The following CELSR1 variants were observed in gnomAD, a reference collection of about 807,000 sequenced individuals.
The protein encoded by CELSR1 is cadherin EGF LAG seven-pass G-type receptor 1, also known as adhesion G protein-coupled receptor C1.
A neutral mutation model predicts 249.1 loss-of-function variants in CELSR1; 110 were observed. The observed-to-expected ratio is 0.44, with a 90% CI of 0.38 to 0.52. The LOEUF (loss-of-function observed/expected upper bound fraction) is 0.52. Among genes scored for constraint, CELSR1 ranks in the 20% least tolerant of loss-of-function variants. CELSR1 has a pLI of 0.00. For synonymous variants in CELSR1, 2,113 were observed against 1,900.0 expected (o/e 1.11, Z -2.92); for missense variants, 4,109 against 4,296.4 (o/e 0.96, Z 1.22).
At chr22:46,366,189 CA>C (rs1160889907) in intron 30 of CELSR1, among the ~76,000 whole-genome samples, 196 bp downstream of exon 30, 4 of 2,662 alleles carry the variant, frequency 1.5e-3, no homozygotes, top group African/African-American at 5.4e-3. Flanking sequence ...GGGGAAGGTG[CA>C]GGGGAAGGGA....
intron 29 of CELSR1, 121 bp from the exon 30 acceptor site, chr22:46,366,601 G>T: frequency 1.3e-6 from 1 of 794,622 alleles, no homozygotes; most frequent in Non-Finnish European, 2.1e-6. Flanking sequence ...CCCCTGCCTG[G>T]CACACAGGAG....
intron 2 of CELSR1, among the ~76,000 whole-genome samples, chr22:46,458,131 G>A (rs956266753): frequency 6.6e-6 from 1 of 152,150 alleles, no homozygotes; most frequent in Non-Finnish European, 1.5e-5. Flanking sequence ...GACAGGGAGG[G>A]AACATTCAGG....
intron 24 of CELSR1, 132 bp downstream of exon 24, chr22:46,376,929 G>A: frequency 2.3e-6 from 2 of 883,606 alleles, no homozygotes; most frequent in Middle Eastern, 3.0e-4. Flanking sequence ...GTTCCTGAAA[G>A]GGCATCTGTG....
At chr22:46,465,554 G>C (rs757966920) in intron 1 of CELSR1, among the ~76,000 whole-genome samples, 17 of 152,164 alleles carry the variant, frequency 1.1e-4, no homozygotes, top group Non-Finnish European at 2.4e-4. Context: ...TTGTCACCCC[G>C]AGCCCGGCAA....
intron 9 of CELSR1, among the ~76,000 whole-genome samples, chr22:46,405,476 A>C (rs1373198135): frequency 3.3e-5 from 5 of 151,062 alleles, no homozygotes; most frequent in African/African-American, 1.2e-4. Context: ...AAAAAAAAAA[A>C]AAAAATTCCT....
chr22:46,478,344 G>A (rs1408254583), intron 1 of CELSR1, among the ~76,000 whole-genome samples: 1 of 152,194 alleles, frequency 6.6e-6, no homozygotes, highest in Non-Finnish European at 1.5e-5. Flanking sequence ...CTGGAAAAAT[G>A]GGCCAAATTC....
At position 46,518,986 on chromosome 22, in the gene CELSR1, T is replaced by C. The variant is rs574502386; in HGVS notation, c.3544+14641A>G. Among the ~76,000 whole-genome samples, 50 of 152,196 alleles carry C rather than the reference T, an allele frequency of 3.3e-4. No homozygotes were observed. The highest frequency in any genetic ancestry group is 1.1e-3 in the African/African-American group (46 of 41,528). On this transcript the variant is annotated intron_variant, in intron 1 of 34. Transcript: ENST00000674500. The surrounding 1 kb of genome is among the most constrained non-coding windows in gnomAD (Gnocchi z 5.2). The stretch of plus-strand genomic sequence containing the variant: ...AGGCAAAGGTTGCAATGAGCCAAGA[T>C]TGAGCCACTGTACTCCAGCCTGGGT...
chr22:46,417,933 C>A lies in CELSR1; in HGVS notation c.4612-6174G>T, dbSNP rs936771084. ...TGTCCACAGCATCCAATGGACATCA[C>A]CTCCTTAAAGCCAAGGGTCCATATC... On this transcript the variant is annotated intron_variant, in intron 5 of 34. Coordinates refer to ENST00000674500, the MANE Select transcript of CELSR1 (RefSeq NM_001378328.1). This position sits in a 1 kb window ranked among gnomAD's most constrained non-coding sequence, Gnocchi z 4.1. Among the ~76,000 whole-genome samples, 1 of 152,216 alleles carries A rather than the reference C, an allele frequency of 6.6e-6. No homozygotes were observed. The highest frequency in any genetic ancestry group is 2.4e-5 in the African/African-American group (1 of 41,446).
At position 46,385,700 on chromosome 22, in the gene CELSR1, C is replaced by T. The variant is rs751057048; in HGVS notation, c.6739+702G>A. ...TTTTTTTTTTTTTTTTTTTTTGAGA[C>T]GGAGTCTGGCTCTCTCGCCCAGGCT... On this transcript the variant is annotated intron_variant, in intron 19 of 34. Transcript: ENST00000674500. 2.4e-3 allele frequency among the ~76,000 whole-genome samples: 328 copies of T among 135,414 alleles called. 2 individuals are homozygous for T. Among genetic ancestry groups the T allele is most frequent in the South Asian group, 4.1e-3 (18 of 4,364 alleles). The allele number at this position is 135,414 out of a possible 152,430, so 88.8% of individuals were successfully genotyped here. A position where few individuals can be genotyped will look rare whatever the true frequency, so the allele number is the denominator to read the frequency against.
intron 1 of CELSR1, among the ~76,000 whole-genome samples, chr22:46,492,393 G>A (rs2080375651): frequency 1.3e-5 from 2 of 152,136 alleles, no homozygotes; most frequent in Admixed American, 6.5e-5. Flanking sequence ...AATTCCCGGC[G>A]CAAAGTCTTT....
rs991549157 is a variant in CELSR1, at chr22:46,364,265, A to T, written c.8780-14T>A. ...TTTTCAAGATGCCTGGGAGGAGGAG[A>T]CACGGCAAGGTCAAGTCCGGGTGAT... On this transcript the variant is annotated splice_polypyrimidine_tract_variant and intron_variant, in intron 33 of 34. Coordinates refer to ENST00000674500, the MANE Select transcript of CELSR1 (RefSeq NM_001378328.1). The T allele has an allele frequency of 6.2e-7, 1 of 1,605,328 alleles. No homozygotes were observed. The highest frequency in any genetic ancestry group is 8.5e-7 in the Non-Finnish European group (1 of 1,179,224).
chr22:46,380,611 T>C lies in CELSR1; in HGVS notation c.7256+177A>G, dbSNP rs1039310590. On this transcript the variant is annotated intron_variant, in intron 22 of 34. Transcript: ENST00000674500. This position sits in a 1 kb window ranked among gnomAD's most constrained non-coding sequence, Gnocchi z 5.1. ...TGTGTGTGGACATCTAGGGGAGGAC[T>C]CTGATATTCCCACAGAAGCAGAGCA... Among the ~76,000 whole-genome samples the C allele has an allele frequency of 1.4e-4, 22 of 152,150 alleles. No individual in the cohort carries two copies. The highest frequency in any genetic ancestry group is 5.1e-4 in the African/African-American group (21 of 41,436).
At position 46,464,605 on chromosome 22, in the gene CELSR1, C is replaced by T. The variant is rs149543724; in HGVS notation, c.3545-260G>A. 3.9e-5 allele frequency among the ~76,000 whole-genome samples: 6 copies of T among 152,148 alleles called. No homozygotes were observed. Among genetic ancestry groups the T allele is most frequent in the Admixed American group, 3.9e-4 (6 of 15,288 alleles). On this transcript the variant is annotated intron_variant, in intron 1 of 34. Transcript: ENST00000674500. The surrounding 1 kb of genome is among the most constrained non-coding windows in gnomAD (Gnocchi z 8.5). The stretch of plus-strand genomic sequence containing the variant: ...GCCCTGGCTTCCTAAAGCACAGCTC[C>T]GATCACATCTTTCTCTGGCTCCGAA...
In CELSR1 at chr22:46,447,096, T is replaced by C. The variant is rs2079829587; in HGVS notation, c.4184-7685A>G. Reference sequence around the variant, plus strand: ...TACAGCGCTGTTTAAACAAGGTAACTGGAGGGGCTGCTCCCCACCAACCCT... The same window carrying C: ...TACAGCGCTGTTTAAACAAGGTAACCGGAGGGGCTGCTCCCCACCAACCCT... On this transcript the variant is annotated intron_variant, in intron 2 of 34. Coordinates refer to ENST00000674500, the MANE Select transcript of CELSR1 (RefSeq NM_001378328.1). The surrounding 1 kb of genome is among the most constrained non-coding windows in gnomAD (Gnocchi z 4.7). Among the ~76,000 whole-genome samples the C allele has an allele frequency of 6.6e-6, 1 of 152,076 alleles. No individual in the cohort carries two copies. The highest frequency in any genetic ancestry group is 2.4e-5 in the African/African-American group (1 of 41,430).
Position 46,468,225 on chromosome 22 carries a change from A to C in CELSR1, c.3545-3880T>G, listed in dbSNP as rs2080118286. On this transcript the variant is annotated intron_variant, in intron 1 of 34. Coordinates refer to ENST00000674500, the MANE Select transcript of CELSR1 (RefSeq NM_001378328.1). This position sits in a 1 kb window ranked among gnomAD's most constrained non-coding sequence, Gnocchi z 4.5. Reference sequence around the variant, plus strand: ...ACCTGGTGAAACCATGTCTCTACTAAAAATACAAAAATTAGCTGGGCGTGG... The same window carrying C: ...ACCTGGTGAAACCATGTCTCTACTACAAATACAAAAATTAGCTGGGCGTGG... 6.6e-6 allele frequency among the ~76,000 whole-genome samples: 1 copy of C among 151,980 alleles called. No individual in the cohort carries two copies. The highest frequency in any genetic ancestry group is 2.1e-4 in the South Asian group (1 of 4,822).
chr22:46,508,504 G>A (rs1055763500), intron 1 of CELSR1, among the ~76,000 whole-genome samples: 3 of 141,824 alleles, frequency 2.1e-5, no homozygotes, highest in Non-Finnish European at 4.5e-5. Flanking sequence ...CTTTGTTGCT[G>A]AGCATTTCTC....
rs116231178 is a variant in CELSR1 at position 46,481,394 on chromosome 22, C to T, written c.3545-17049G>A. On this transcript the variant is annotated intron_variant, in intron 1 of 34. Transcript: ENST00000674500. ...ATAGTTGGGAGCAGGTGCATGTGGT[C>T]ATCCACACACTTGGTCACACCACCT... is the stretch of plus-strand genomic sequence containing the variant. 998 of 1,122,818 alleles carry T rather than the reference C, an allele frequency of 8.9e-4. 7 individuals are homozygous for T. The African/African-American group carries it at 0.014, about 16-fold the overall frequency. The allele number at this position is 1,122,818 out of a possible 1,614,324, so 69.6% of individuals were successfully genotyped here.
intron 5 of CELSR1, among the ~76,000 whole-genome samples, chr22:46,418,466 CAG>C (rs964193588): frequency 4.6e-4 from 70 of 152,152 alleles, no homozygotes; most frequent in African/African-American, 1.6e-3. Flanking sequence ...GCCTGGGCGA[CAG>C]AGCAAGATTC....
chr22:46,384,672 T>C lies in CELSR1; in HGVS notation c.6754A>G (p.Ile2252Val), dbSNP rs2079013819. 6.2e-7 allele frequency: 1 copy of C among 1,612,854 alleles called. No homozygotes were observed. The highest frequency in any genetic ancestry group is 1.3e-5 in the African/African-American group (1 of 74,960). ...CCCGTAAAGTTGAACTTGTCAAAGA[T>C]GTCGACAGCAAGAACTGGGGGGACA... ...VTANMILAVD[I>V]FDKFNFTGAR... Residue 2252 changes from isoleucine to valine, a missense_variant, in exon 20 of 35, where the codon ATC becomes GTC. Transcript: ENST00000674500.
Sources: allele counts gnomAD v4.1 joint callset (sites outside exome capture counted in the v4.1 genomes callset), GRCh38; gene constraint gnomAD v4.1.1; non-coding constraint Gnocchi (gnomAD v3.1); transcripts MANE v1.5; gene names NCBI Gene and HGNC (gene_info 2026-07-23, HGNC 2026-07-21).